SLC35F4: variants seen among roughly 807,000 people sequenced by gnomAD.
SLC35F4 encodes the protein solute carrier family 35 member F4.
Under a neutral mutation model 44.2 loss-of-function variants are expected in SLC35F4, and 24 were observed. The ratio of observed to expected loss-of-function variants is 0.54; its 90% confidence interval spans 0.39 to 0.76. The LOEUF is 0.76. SLC35F4 is among the 30% of genes least tolerant of loss of function. The pLI is 0.00. For missense variants in SLC35F4, 562 were observed against 586.1 expected (o/e 0.96, Z 0.42); for synonymous variants, 238 against 223.6 (o/e 1.06, Z -0.57).
At chr14:57,816,306 A>G (rs1014629784) in intron 1 of SLC35F4, among the ~76,000 whole-genome samples, 1 of 152,216 alleles carries the variant, frequency 6.6e-6, no homozygotes, top group Non-Finnish European at 1.5e-5. Flanking sequence ...GTCTACTGAT[A>G]GTTACTGATC....
At chr14:57,749,046 A>G (rs1398588536) in intron 1 of SLC35F4, among the ~76,000 whole-genome samples, 3 of 152,210 alleles carry the variant, frequency 2.0e-5, no homozygotes, top group Admixed American at 6.5e-5. Flanking sequence ...TCCAACAGAT[A>G]CAGAGCTGGT....
At position 57,671,980 on chromosome 14, in the gene SLC35F4, A is replaced by C. The variant is rs557338025; in HGVS notation, c.104-77856T>G. ...TGCTCCTAAAAGCATTTTCTCAATA[A>C]ATCTCTTAAACTTGATTCCTTACTT... On this transcript the variant is annotated intron_variant, in intron 1 of 7. Transcript: ENST00000556826. Among the ~76,000 whole-genome samples, 4 of 152,166 alleles carry C rather than the reference A, an allele frequency of 2.6e-5. No individual in the cohort carries two copies. In the South Asian group the frequency reaches 8.3e-4, roughly 32 times the overall value.
chr14:57,672,326 G>C (rs2074546420), intron 1 of SLC35F4, among the ~76,000 whole-genome samples: 1 of 151,976 alleles, frequency 6.6e-6, no homozygotes, highest in South Asian at 2.1e-4. Context: ...CTATAACCCA[G>C]CATTGACACC....
At chr14:57,846,458 AAC>A (rs1886031770) in intron 1 of SLC35F4, among the ~76,000 whole-genome samples, 1 of 152,038 alleles carries the variant, frequency 6.6e-6, no homozygotes, top group Non-Finnish European at 1.5e-5. Context: ...TGAATGAAAT[AAC>A]AGTCGTTTTT....
chr14:57,648,592 C>A (rs2140190026), intron 1 of SLC35F4, among the ~76,000 whole-genome samples: 1 of 152,284 alleles, frequency 6.6e-6, no homozygotes, highest in South Asian at 2.1e-4. Context: ...CTCTGCAAAA[C>A]TATATTCCTC....
chr14:57,932,219 G>A (rs1000789107), intron 1 of SLC35F4, among the ~76,000 whole-genome samples: 1 of 151,964 alleles, frequency 6.6e-6, no homozygotes, highest in Non-Finnish European at 1.5e-5. Context: ...TTTAAGTAAA[G>A]CTTTCCACAG....
chr14:57,861,407 T>C (rs1171993762), intron 1 of SLC35F4, among the ~76,000 whole-genome samples: 1 of 152,192 alleles, frequency 6.6e-6, no homozygotes, highest in Non-Finnish European at 1.5e-5. Flanking sequence ...TAATTTTTCT[T>C]TCTCTATTGA....
intron 1 of SLC35F4, among the ~76,000 whole-genome samples, chr14:57,734,470 A>G (rs545840327): frequency 6.6e-6 from 1 of 152,176 alleles, no homozygotes; most frequent in African/African-American, 2.4e-5. Flanking sequence ...TATAATTTTC[A>G]ATCTCTCTCT....
At chr14:57,600,415 G>C (rs1237833843) in intron 1 of SLC35F4, among the ~76,000 whole-genome samples, 1 of 151,830 alleles carries the variant, frequency 6.6e-6, no homozygotes, top group South Asian at 2.1e-4. Context: ...ACTAGGGGCC[G>C]GGCGCGGTGG....
chr14:57,667,164 CTGTGTT>C lies in SLC35F4; in HGVS notation c.104-73046_104-73041del, dbSNP rs1461079034. Among the ~76,000 whole-genome samples, 16 of 143,954 alleles carry C rather than the reference CTGTGTT, an allele frequency of 1.1e-4. No individual in the cohort carries two copies. The East Asian group carries it at 3.7e-3, about 33-fold the overall frequency. 94.4% of individuals were successfully genotyped at this position (143,954 alleles called of 152,430 possible). ...CCCACTCACAGATGCATATGCGCTCCTGTGTTTGTGTAAATACCTGCAAGCATGGGG... is the reference window on the plus strand; with the variant it reads ...CCCACTCACAGATGCATATGCGCTCCTGTGTAAATACCTGCAAGCATGGGG... On this transcript the variant is annotated intron_variant, in intron 1 of 7. Coordinates refer to ENST00000556826, the MANE Select transcript of SLC35F4 (RefSeq NM_001306087.2).
intron 3 of SLC35F4, among the ~76,000 whole-genome samples, chr14:57,585,157 T>G (rs1383238644): frequency 1.3e-5 from 2 of 152,140 alleles, no homozygotes; most frequent in South Asian, 2.1e-4. Context: ...ACGGTGAGAA[T>G]TAATATTCCC....
chr14:57,705,805 G>C (rs139364295), intron 1 of SLC35F4, among the ~76,000 whole-genome samples: 1 of 152,232 alleles, frequency 6.6e-6, no homozygotes, highest in African/African-American at 2.4e-5. Context: ...GACTGCATCT[G>C]TTTCCTACTG....
At chr14:57,791,285 C>T (rs2077911282) in intron 1 of SLC35F4, among the ~76,000 whole-genome samples, 1 of 151,644 alleles carries the variant, frequency 6.6e-6, no homozygotes, top group Non-Finnish European at 1.5e-5. Flanking sequence ...AACAAATTTA[C>T]AAGAAAAAAA....
chr14:57,594,620 T>C (rs1208196391), intron 1 of SLC35F4, among the ~76,000 whole-genome samples: 2 of 152,224 alleles, frequency 1.3e-5, no homozygotes, highest in African/African-American at 4.8e-5. Flanking sequence ...TCAGAATTAA[T>C]ACTTAACACA....
intron 1 of SLC35F4, among the ~76,000 whole-genome samples, chr14:57,939,785 A>G (rs1036057009): frequency 6.6e-6 from 1 of 152,172 alleles, no homozygotes; most frequent in Non-Finnish European, 1.5e-5. Flanking sequence ...AAGATATTAC[A>G]TTTTTCTCTA....
chr14:57,666,518 C>T (rs1319179254), intron 1 of SLC35F4, among the ~76,000 whole-genome samples: 1 of 152,130 alleles, frequency 6.6e-6, no homozygotes, highest in African/African-American at 2.4e-5. Context: ...GCTTAATTAA[C>T]AGCTTCATTG....
At chr14:57,944,085 C>T (rs1220694587) in intron 1 of SLC35F4, among the ~76,000 whole-genome samples, 1 of 152,158 alleles carries the variant, frequency 6.6e-6, no homozygotes, top group East Asian at 1.9e-4. Context: ...GAGCTCCACA[C>T]CAATTTCTGT....
At chr14:57,758,883 C>T (rs1415612196) in intron 1 of SLC35F4, among the ~76,000 whole-genome samples, 1 of 152,136 alleles carries the variant, frequency 6.6e-6, no homozygotes, top group East Asian at 1.9e-4. Context: ...TGAACAGGAA[C>T]TCTCCATTTC....
chr14:57,948,074 CT>C (rs1002060934), intron 1 of SLC35F4, among the ~76,000 whole-genome samples: 21 of 152,162 alleles, frequency 1.4e-4, no homozygotes, highest in African/African-American at 5.1e-4. Context: ...AGGATTCCTT[CT>C]TTCTTTATCT....
Sources: allele counts gnomAD v4.1 joint callset (sites outside exome capture counted in the v4.1 genomes callset), GRCh38; gene constraint gnomAD v4.1.1; transcripts MANE v1.5; gene names NCBI Gene and HGNC (gene_info 2026-07-23, HGNC 2026-07-21).